SPIDR: variants seen among roughly 807,000 people sequenced by gnomAD.
SPIDR encodes DNA repair-scaffolding protein.
A neutral mutation model predicts 104.6 loss-of-function variants in SPIDR; 93 were observed. The observed-to-expected ratio is 0.89, with a 90% confidence interval of 0.75 to 1.06. The LOEUF is 1.06. Ranked by LOEUF, SPIDR falls within the 50% of genes least tolerant of loss-of-function variation. SPIDR has a pLI of 0.00. For synonymous variants in SPIDR, 431 were observed against 416.9 expected (o/e 1.03, Z -0.41); for missense variants, 1,154 against 1,111.2 (o/e 1.04, Z -0.55).
chr8:47,660,926 A>G (rs1333136531), intron 10 of SPIDR: 32 of 985,180 alleles, frequency 3.2e-5, no homozygotes, highest in Non-Finnish European at 3.7e-5. Context: ...AGGTGAAGGA[A>G]ACCAAGATTT....
intron 8 of SPIDR, among the ~76,000 whole-genome samples, chr8:47,486,665 C>G (rs968895711): frequency 6.6e-6 from 1 of 152,104 alleles, no homozygotes; most frequent in South Asian, 2.1e-4. Flanking sequence ...GCAGACACTC[C>G]GCAAGCCAGA....
intron 1 of SPIDR, among the ~76,000 whole-genome samples, chr8:47,273,512 G>T (rs1182466861): frequency 6.6e-6 from 1 of 152,068 alleles, no homozygotes; most frequent in Non-Finnish European, 1.5e-5. Flanking sequence ...CTCTCTGGGC[G>T]AACCACCCTC....
At chr8:47,516,736 G>A (rs970483643) in intron 8 of SPIDR, among the ~76,000 whole-genome samples, 1 of 152,000 alleles carries the variant, frequency 6.6e-6, no homozygotes, top group Non-Finnish European at 1.5e-5. Flanking sequence ...ATGCTTCTGT[G>A]AACATAAGTA....
intron 10 of SPIDR, among the ~76,000 whole-genome samples, chr8:47,620,609 TG>T (rs201485694): frequency 2.0e-5 from 3 of 150,196 alleles, no homozygotes; most frequent in African/African-American, 7.4e-5. Flanking sequence ...TCATCGGTTT[TG>T]TTTTTTTGTT....
At chr8:47,313,064 A>G (rs1318733087) in intron 5 of SPIDR, among the ~76,000 whole-genome samples, 14 of 152,310 alleles carry the variant, frequency 9.2e-5, no homozygotes, top group Admixed American at 8.5e-4. Flanking sequence ...TGGCCAGGGC[A>G]GTCAGGCAGG....
rs199536803 is a variant in SPIDR at position 47,712,814 on chromosome 8, G to T, written c.2130G>T (p.Glu710Asp). The T allele has an allele frequency of 2.9e-4, 460 of 1,613,958 alleles. No homozygotes were observed. The highest frequency in any genetic ancestry group is 3.6e-4 in the Non-Finnish European group (426 of 1,180,034). The change falls in exon 15 of 20, where the codon GAG (glutamate) becomes GAT (aspartate). Residue 710 changes from glutamate to aspartate, a missense_variant. Coordinates refer to ENST00000297423, the MANE Select transcript of SPIDR (RefSeq NM_001080394.4). ...PLCVLGSEVL[E>D]ALAGAAPHSL... ...GTGTGCTGGGCTCTGAAGTCCTGGA[G>T]GCACTCGCTGGGGCTGCCCCTCACA...
chr8:47,301,026 T>C (rs1403405667), intron 5 of SPIDR, among the ~76,000 whole-genome samples: 1 of 152,210 alleles, frequency 6.6e-6, no homozygotes, highest in Admixed American at 6.5e-5. Context: ...CTCACTGATC[T>C]GTCTAATGTT....
chr8:47,725,862 A>G (rs540840997), intron 16 of SPIDR, among the ~76,000 whole-genome samples: 1 of 152,370 alleles, frequency 6.6e-6, no homozygotes, highest in Non-Finnish European at 1.5e-5. Context: ...TGTAAATGCT[A>G]TTAACACCCA....
intron 10 of SPIDR, among the ~76,000 whole-genome samples, chr8:47,603,098 G>T (rs1179372724): frequency 2.6e-5 from 4 of 151,786 alleles, no homozygotes; most frequent in Non-Finnish European, 5.9e-5. Context: ...CTTTTTTATA[G>T]ATAGACTACA....
At chr8:47,578,030 C>T (rs1020846500) in intron 8 of SPIDR, among the ~76,000 whole-genome samples, 10 of 152,136 alleles carry the variant, frequency 6.6e-5, no homozygotes, top group African/African-American at 2.4e-4. Context: ...TCAGGAGTTG[C>T]TTTATAACTC....
chr8:47,405,828 T>C (rs1216638243), intron 6 of SPIDR, among the ~76,000 whole-genome samples: 1 of 152,206 alleles, frequency 6.6e-6, no homozygotes, highest in Non-Finnish European at 1.5e-5. Context: ...GAAATAGGAT[T>C]GTTGATTAGA....
intron 8 of SPIDR, among the ~76,000 whole-genome samples, chr8:47,567,746 C>G (rs1011840657): frequency 1.4e-5 from 2 of 146,788 alleles, no homozygotes; most frequent in African/African-American, 2.5e-5. Flanking sequence ...CTAACTTGAA[C>G]TTTTGTTTTC....
At chr8:47,497,257 TTTG>T (rs1396130616) in intron 8 of SPIDR, among the ~76,000 whole-genome samples, 1 of 152,140 alleles carries the variant, frequency 6.6e-6, no homozygotes, top group African/African-American at 2.4e-5. Flanking sequence ...TGCTTTGGGT[TTTG>T]TTTTTTCTTA....
At chr8:47,379,580 A>G (rs1318738507) in intron 5 of SPIDR, among the ~76,000 whole-genome samples, 1 of 151,340 alleles carries the variant, frequency 6.6e-6, no homozygotes, top group African/African-American at 2.5e-5. Flanking sequence ...TTAAAATATA[A>G]GATTTTAGAG....
At chr8:47,654,676 C>T (rs990226248) in intron 10 of SPIDR, among the ~76,000 whole-genome samples, 1 of 151,288 alleles carries the variant, frequency 6.6e-6, no homozygotes, top group African/African-American at 2.4e-5. Context: ...TTCTTAAAGA[C>T]CTACACTCAT....
intron 5 of SPIDR, among the ~76,000 whole-genome samples, chr8:47,327,269 T>G (rs1204508042): frequency 2.6e-5 from 4 of 152,194 alleles, no homozygotes; most frequent in Admixed American, 2.6e-4. Flanking sequence ...CTATTCAAGT[T>G]TTTTGTTGAT....
At chr8:47,500,553 A>G (rs1223515621) in intron 8 of SPIDR, among the ~76,000 whole-genome samples, 1 of 152,222 alleles carries the variant, frequency 6.6e-6, no homozygotes, top group Non-Finnish European at 1.5e-5. Flanking sequence ...GCCCTTTGTC[A>G]GATGGGTAGA....
At chr8:47,445,418 C>T (rs1460595493) in intron 8 of SPIDR, among the ~76,000 whole-genome samples, 3 of 152,188 alleles carry the variant, frequency 2.0e-5, no homozygotes, top group Non-Finnish European at 4.4e-5. Flanking sequence ...GCTCTAACTG[C>T]TCCATTGACC....
At chr8:47,329,711 G>T (rs2048333775) in intron 5 of SPIDR, among the ~76,000 whole-genome samples, 1 of 151,828 alleles carries the variant, frequency 6.6e-6, no homozygotes, top group African/African-American at 2.4e-5. Flanking sequence ...GTATAATTTT[G>T]TCTTTTATAG....
Sources: gnomAD v4.1 joint callset for allele counts (sites outside exome capture counted in the v4.1 genomes callset) on GRCh38, gnomAD v4.1.1 for gene constraint, MANE v1.5 for transcripts, NCBI Gene and HGNC (gene_info 2026-07-23, HGNC 2026-07-21) for gene names.